The following PNPT1 variants were observed in gnomAD, a reference collection of about 807,000 sequenced individuals.
The protein encoded by PNPT1 is polyribonucleotide nucleotidyltransferase 1.
PNPT1 carries 53 observed loss-of-function variants against 119.5 expected under a neutral mutation model. That is an observed-to-expected ratio of 0.44 (90% CI 0.36 to 0.56). PNPT1 has a LOEUF of 0.56. PNPT1 is among the 20% of genes least tolerant of loss of function. The pLI is 0.00. For synonymous variants in PNPT1, 357 were observed against 322.1 expected (o/e 1.11, Z -1.16); for missense variants, 948 against 938.5 (o/e 1.01, Z -0.13).
At chr2:55,649,474 C>A (rs72805498) in intron 18 of PNPT1, among the ~76,000 whole-genome samples, 1 of 152,062 alleles carries the variant, frequency 6.6e-6, no homozygotes, top group Non-Finnish European at 1.5e-5. Flanking sequence ...TGTCCTTTAC[C>A]CTAAATATTA....
chr2:55,650,466 G>A (rs941039761), intron 18 of PNPT1, among the ~76,000 whole-genome samples: 5 of 152,192 alleles, frequency 3.3e-5, no homozygotes, highest in Non-Finnish European at 7.3e-5. Context: ...CCAGGCTGGA[G>A]TGCAGTGGCG....
At chr2:55,659,410 A>G (rs1201636512) in intron 15 of PNPT1, among the ~76,000 whole-genome samples, 2 of 152,190 alleles carry the variant, frequency 1.3e-5, no homozygotes, top group African/African-American at 4.8e-5. Flanking sequence ...TTTTACTACT[A>G]ATCAACTGAG....
intron 12 of PNPT1, among the ~76,000 whole-genome samples, chr2:55,667,535 AG>A (rs1388465360): frequency 5.9e-5 from 9 of 151,926 alleles, no homozygotes; most frequent in African/African-American, 2.2e-4. Context: ...CGGAGCTTGC[AG>A]TGAGCCGAGA....
rs572415162 is a variant in PNPT1 at position 55,666,317 on chromosome 2, G to A, written c.1176+674C>T. 4.3e-4 allele frequency among the ~76,000 whole-genome samples: 65 copies of A among 152,198 alleles called. 1 individual carries two copies. The highest frequency in any genetic ancestry group is 1.3e-3 in the African/African-American group (56 of 41,534). On this transcript the variant is annotated intron_variant, in intron 13 of 27. Coordinates refer to ENST00000447944, the MANE Select transcript of PNPT1 (RefSeq NM_033109.5). ...TTGGTAGTCCAGGCTGGAGTGCAAT[G>A]GCATGACCATAGATTATTGCAACCT... is the stretch of plus-strand genomic sequence containing the variant.
chr2:55,639,588 T>C (rs1416602394), intron 26 of PNPT1, among the ~76,000 whole-genome samples: 1 of 152,224 alleles, frequency 6.6e-6, no homozygotes, highest in East Asian at 1.9e-4. Context: ...AATTTGTTCA[T>C]GTTCTTTACT....
intron 18 of PNPT1, among the ~76,000 whole-genome samples, chr2:55,650,099 G>C (rs185777503): frequency 6.6e-6 from 1 of 150,616 alleles, no homozygotes; most frequent in African/African-American, 2.4e-5. Flanking sequence ...GATTGGTAAA[G>C]AATTCTTACT....
chr2:55,692,535 C>G (rs573418382), intron 1 of PNPT1, among the ~76,000 whole-genome samples: 1 of 151,606 alleles, frequency 6.6e-6, no homozygotes, highest in African/African-American at 2.4e-5. Context: ...AAAAGCGGTC[C>G]CCTAAAAAAA....
chr2:55,674,217 G>T (rs1236970107), intron 8 of PNPT1, among the ~76,000 whole-genome samples: 5 of 152,172 alleles, frequency 3.3e-5, no homozygotes, highest in Admixed American at 3.3e-4. Flanking sequence ...ATAGCTAAAG[G>T]AAGTTTTCTA....
Position 55,685,052 on chromosome 2 carries a change from A to T in PNPT1, c.298-4T>A, listed in dbSNP as rs754356791. The T allele has an allele frequency of 1.3e-6, 2 of 1,566,274 alleles. No homozygotes were observed. Among genetic ancestry groups the T allele is most frequent in the East Asian group, 4.5e-5 (2 of 44,112 alleles). The stretch of plus-strand genomic sequence containing the variant: ...CAGCTTTTTGTCTGTAGTCAACCTG[A>T]AGCAGCAATAAAAAAAAGTTCATAT... On this transcript the variant is annotated splice_polypyrimidine_tract_variant and splice_region_variant and intron_variant, in intron 3 of 27. Coordinates refer to ENST00000447944, the MANE Select transcript of PNPT1 (RefSeq NM_033109.5).
At chr2:55,689,956 G>A (rs189006805) in intron 1 of PNPT1, among the ~76,000 whole-genome samples, 26 of 152,206 alleles carry the variant, frequency 1.7e-4, no homozygotes, top group African/African-American at 6.0e-4. Flanking sequence ...CGAGTAGCTC[G>A]AAATACAGGT....
intron 1 of PNPT1, among the ~76,000 whole-genome samples, chr2:55,692,821 T>C (rs1697659031): frequency 6.6e-6 from 1 of 152,114 alleles, no homozygotes; most frequent in African/African-American, 2.4e-5. Context: ...CATGATATCT[T>C]GTACTCCTAA....
At position 55,684,234 on chromosome 2, in the gene PNPT1, T is replaced by G. The variant is rs530152070; in HGVS notation, c.404-400A>C. ...CTGGCCGAGCACAGTGGTTCACGCC[T>G]GCAATCCCAGCACTTGGGAGGCTGA... On this transcript the variant is annotated intron_variant, in intron 4 of 27. Transcript: ENST00000447944. Among the ~76,000 whole-genome samples, 46 of 152,354 alleles carry G rather than the reference T, an allele frequency of 3.0e-4. No homozygotes were observed. In the South Asian group the frequency reaches 8.1e-3, roughly 27 times the overall value.
At chr2:55,669,846 C>A (rs1293133944) in intron 11 of PNPT1, among the ~76,000 whole-genome samples, 1 of 151,024 alleles carries the variant, frequency 6.6e-6, no homozygotes, top group Non-Finnish European at 1.5e-5. Flanking sequence ...ACAACCTCTG[C>A]CTAACAGGTT....
intron 15 of PNPT1, among the ~76,000 whole-genome samples, chr2:55,659,698 ATCTC>A (rs1354550329): frequency 6.6e-6 from 1 of 152,138 alleles, no homozygotes; most frequent in Non-Finnish European, 1.5e-5. Flanking sequence ...TACTACTTAC[ATCTC>A]TCTCTACTTA....
At chr2:55,674,722 G>A (rs1240307532) in intron 8 of PNPT1, among the ~76,000 whole-genome samples, 1 of 152,152 alleles carries the variant, frequency 6.6e-6, no homozygotes, top group Non-Finnish European at 1.5e-5. Context: ...GCCTGATATG[G>A]TTCTAACTGT....
At chr2:55,683,385 G>A (rs200344758) in intron 5 of PNPT1, among the ~76,000 whole-genome samples, 1 of 151,968 alleles carries the variant, frequency 6.6e-6, no homozygotes, top group South Asian at 2.1e-4. Context: ...GAGGCCGAGG[G>A]GGGCGGATCA....
chr2:55,665,691 C>A (rs761962509), intron 13 of PNPT1, among the ~76,000 whole-genome samples: 2 of 152,176 alleles, frequency 1.3e-5, no homozygotes, highest in African/African-American at 2.4e-5. Context: ...TTCCCCAGGG[C>A]ATGGTTTATG....
chr2:55,667,228 A>G (rs1231489231), intron 12 of PNPT1, 135 bp from the exon 13 acceptor site: 1 of 634,138 alleles, frequency 1.6e-6, no homozygotes, highest in Non-Finnish European at 2.8e-6. Flanking sequence ...AATAATAGAT[A>G]CTTGAGCACT....
intron 1 of PNPT1, 134 bp downstream of exon 1, chr2:55,693,529 T>G: frequency 7.7e-7 from 1 of 1,303,480 alleles, no homozygotes; most frequent in Non-Finnish European, 1.0e-6. Context: ...AAGGGAAATT[T>G]GGAATTTAGG....
Sources: gnomAD v4.1 joint callset for allele counts (sites outside exome capture counted in the v4.1 genomes callset) on GRCh38, gnomAD v4.1.1 for gene constraint, MANE v1.5 for transcripts, NCBI Gene and HGNC (gene_info 2026-07-23, HGNC 2026-07-21) for gene names.